MYT1L: variants seen among roughly 807,000 people sequenced by gnomAD.
MYT1L encodes the protein myelin transcription factor 1 like.
MYT1L carries 12 observed loss-of-function variants against 126.7 expected under a neutral mutation model. The observed-to-expected ratio is 0.09, with a 90% CI of 0.06 to 0.15. The LOEUF is 0.15. Among genes scored for constraint, MYT1L ranks in the 10% least tolerant of loss-of-function variants. The pLI is 1.00. For missense variants in MYT1L, 979 were observed against 1,585.2 expected, an observed-to-expected ratio of 0.62 and a Z score of 6.49; for synonymous variants, 541 against 604.2, an observed-to-expected ratio of 0.90 and a Z score of 1.53.
At chr2:1,838,100 G>A (rs752058293) in intron 21 of MYT1L, among the ~76,000 whole-genome samples, 9 of 152,026 alleles carry the variant, frequency 5.9e-5, no homozygotes, top group Non-Finnish European at 1.2e-4. Flanking sequence ...TTTTAGCAGA[G>A]ATGGGGTTTC....
chr2:2,184,148 G>A (rs547208055), intron 2 of MYT1L, among the ~76,000 whole-genome samples: 42 of 152,106 alleles, frequency 2.8e-4, no homozygotes, highest in Non-Finnish European at 4.9e-4. Flanking sequence ...GTCATGCTGA[G>A]GCTGTTCACA....
At chr2:1,882,304 T>G (rs1183654929) in intron 18 of MYT1L, among the ~76,000 whole-genome samples, 1 of 151,748 alleles carries the variant, frequency 6.6e-6, no homozygotes, top group Non-Finnish European at 1.5e-5. Flanking sequence ...GGCCATCACC[T>G]CTTCTCCCCC....
At position 1,839,245 on chromosome 2, in the gene MYT1L, A is replaced by G; in HGVS notation, c.2984T>C (p.Phe995Ser). Residue 995 changes from phenylalanine to serine, a missense_variant, in exon 21 of 25, where the codon TTC (phenylalanine) becomes TCC (serine). Around this residue, in one of 12 missense-constraint regions of MYT1L, gnomAD observed 179 missense variants for 398.6 expected, o/e 0.45. Coordinates refer to ENST00000647738, the MANE Select transcript of MYT1L (RefSeq NM_001303052.2). ...TTCCGTCTTGACCGACTTCCAGGAG[A>G]ACTGGGAGCCATTCAGGTACCCGTC... ...QKDGYLNGSQFSWKSVKTEGM... is the reference protein window; with the variant it reads ...QKDGYLNGSQSSWKSVKTEGM... The G allele has an allele frequency of 6.2e-7, 1 of 1,613,644 alleles. No individual in the cohort carries two copies.
intron 8 of MYT1L, among the ~76,000 whole-genome samples, chr2:1,952,116 T>G (rs1164368418): frequency 2.0e-5 from 3 of 152,236 alleles, no homozygotes; most frequent in African/African-American, 7.2e-5. Flanking sequence ...TTTCTTAAAC[T>G]TGACAGACAC....
Position 2,262,939 on chromosome 2 carries a change from G to GATATATATATATATATATATATAT in MYT1L, c.-421+21464_-421+21465insATATATATATATATATATATATAT, listed in dbSNP as rs60682131. Among the ~76,000 whole-genome samples, 71 of 51,640 alleles carry GATATATATATATATATATATATAT rather than the reference G, an allele frequency of 1.4e-3. 2 individuals are homozygous for GATATATATATATATATATATATAT. The East Asian group carries it at 0.016, about 12-fold the overall frequency. The allele number at this position is 51,640 out of a possible 152,430, so 33.9% of individuals were successfully genotyped here. ...AAATATATATATATATATAACCTGT[G>GATATATATATATATATATATATAT]ATATATATATATATATCACAGGTAA... On this transcript the variant is annotated intron_variant, in intron 2 of 24. Coordinates refer to ENST00000647738, the MANE Select transcript of MYT1L (RefSeq NM_001303052.2).
At chr2:2,213,327 C>T (rs977377787) in intron 2 of MYT1L, among the ~76,000 whole-genome samples, 3 of 152,090 alleles carry the variant, frequency 2.0e-5, no homozygotes, top group Admixed American at 2.0e-4. Context: ...GGAGACAGAG[C>T]TTAGTGTCCA....
At chr2:1,831,950 G>A (rs545964605) in intron 21 of MYT1L, among the ~76,000 whole-genome samples, 1 of 152,190 alleles carries the variant, frequency 6.6e-6, no homozygotes, top group Non-Finnish European at 1.5e-5. Context: ...CACTTCCCGA[G>A]GCCCGTTACC....
At position 1,840,814 on chromosome 2, in the gene MYT1L, C is replaced by G. The variant is rs1204155901; in HGVS notation, c.2804G>C (p.Ser935Thr). The G allele has an allele frequency of 6.4e-7, 1 of 1,550,940 alleles. No individual in the cohort carries two copies. Among genetic ancestry groups the G allele is most frequent in the Non-Finnish European group, 8.7e-7 (1 of 1,146,928 alleles). Residue 935 changes from serine (S) to threonine (T), a missense_variant, in exon 20 of 25, where the codon AGT becomes ACT. Ser to Thr is a moderately conservative substitution (Grantham distance 58). Transcript: ENST00000647738. ...TTTGCTCTGTGCTATCCTGATACCA[C>G]TTTTCTTTGCTCTTGGGCAACCTGA... ...SLSGCPRAKK[S>T]GIRIAQSKED...
intron 3 of MYT1L, among the ~76,000 whole-genome samples, chr2:2,073,025 A>G (rs1623124): frequency 0.1 from 15,435 of 152,158 alleles, 2,371 homozygotes; most frequent in African/African-American, 0.34. Context: ...TCTTCACACA[A>G]CAGAAGGAGG....
At chr2:2,185,920 C>T (rs1375870235) in intron 2 of MYT1L, among the ~76,000 whole-genome samples, 29 of 123,122 alleles carry the variant, frequency 2.4e-4, no homozygotes, top group African/African-American at 1.0e-3. Flanking sequence ...CTTCCCAAGT[C>T]CCGCGTTCCT....
At chr2:1,899,557 G>A (rs1040996368) in intron 14 of MYT1L, among the ~76,000 whole-genome samples, 15 of 152,120 alleles carry the variant, frequency 9.9e-5, no homozygotes, top group Non-Finnish European at 2.1e-4. Flanking sequence ...TATAGACAAC[G>A]TGAAGCCCCT....
chr2:1,878,295 A>G (rs986562765), intron 18 of MYT1L, among the ~76,000 whole-genome samples: 7 of 152,250 alleles, frequency 4.6e-5, no homozygotes, highest in South Asian at 2.1e-4. Flanking sequence ...ATCTGTCTAC[A>G]AACTGCATTA....
intron 3 of MYT1L, among the ~76,000 whole-genome samples, chr2:2,065,133 G>A (rs1046551813): frequency 3.3e-5 from 5 of 152,118 alleles, no homozygotes; most frequent in African/African-American, 1.2e-4. Context: ...GGAAGATTGA[G>A]GCTGCCGTGA....
chr2:1,875,358 C>A (rs2046778301), intron 18 of MYT1L, among the ~76,000 whole-genome samples: 1 of 152,174 alleles, frequency 6.6e-6, no homozygotes. Context: ...AGAGAGTGTG[C>A]CTGCCTTGCC....
chr2:1,845,616 CG>C (rs934781832), intron 19 of MYT1L, among the ~76,000 whole-genome samples: 8 of 152,178 alleles, frequency 5.3e-5, no homozygotes, highest in Non-Finnish European at 1.2e-4. Flanking sequence ...GCTCTTCTCT[CG>C]GCTGCCACTG....
At chr2:2,185,549 C>T (rs572558115) in intron 2 of MYT1L, among the ~76,000 whole-genome samples, 74 of 148,844 alleles carry the variant, frequency 5.0e-4, no homozygotes, top group Non-Finnish European at 9.8e-4. Context: ...CGCAGCCGGG[C>T]CTCCTCGAGT....
chr2:1,964,047 T>A (rs1269449671), intron 8 of MYT1L, among the ~76,000 whole-genome samples: 1 of 152,230 alleles, frequency 6.6e-6, no homozygotes, highest in African/African-American at 2.4e-5. Context: ...AGCTTTTGAT[T>A]TAAAGTGAGA....
chr2:1,978,454 A>G (rs1356472096), intron 8 of MYT1L, among the ~76,000 whole-genome samples: 5 of 152,258 alleles, frequency 3.3e-5, no homozygotes, highest in Admixed American at 3.3e-4. Flanking sequence ...CCAGAAAAAC[A>G]TCTAAAGGAC....
At position 2,110,224 on chromosome 2, in the gene MYT1L, T is replaced by C. The variant is rs115769500; in HGVS notation, c.-303-56101A>G. On this transcript the variant is annotated intron_variant, in intron 3 of 24. Coordinates refer to ENST00000647738, the MANE Select transcript of MYT1L (RefSeq NM_001303052.2). The stretch of plus-strand genomic sequence containing the variant: ...AAGTCAATTCTAAAACCTGCCCCTA[T>C]TGAATGACTTATTCACATACAGTGC... Among the ~76,000 whole-genome samples the C allele has an allele frequency of 5.3e-3, 810 of 152,096 alleles. 4 individuals are homozygous for C. Among genetic ancestry groups the C allele is most frequent in the South Asian group, 0.053 (253 of 4,798 alleles).
Sources: allele counts gnomAD v4.1 joint callset (sites outside exome capture counted in the v4.1 genomes callset), GRCh38; gene constraint gnomAD v4.1.1; regional missense constraint gnomAD v4.1.1; transcripts MANE v1.5; gene names NCBI Gene and HGNC (gene_info 2026-07-23, HGNC 2026-07-21).